The following GAS6 variants were observed in gnomAD, a reference collection of about 807,000 sequenced individuals.
The protein encoded by GAS6 is growth arrest-specific protein 6.
GAS6 carries 41 observed loss-of-function variants against 75.8 expected under a neutral mutation model. That is an observed-to-expected ratio of 0.54 (90% CI 0.42 to 0.70). The LOEUF (loss-of-function observed/expected upper bound fraction) is 0.70. GAS6 is among the 30% of genes least tolerant of loss of function. GAS6 has a pLI of 0.00. For synonymous variants in GAS6, 432 were observed against 412.6 expected (o/e 1.05, Z -0.57); for missense variants, 854 against 940.2 (o/e 0.91, Z 1.20).
chr13:113,831,388 C>CGCCTG (rs1301170179), intron 10 of GAS6, among the ~76,000 whole-genome samples: 3 of 152,166 alleles, frequency 2.0e-5, no homozygotes, highest in Non-Finnish European at 2.9e-5. Flanking sequence ...GGGCGGGCGG[C>CGCCTG]GCCTGGCCTG....
intron 2 of GAS6, among the ~76,000 whole-genome samples, chr13:113,859,100 ATGTC>A (rs1225062466): frequency 2.1e-5 from 3 of 144,440 alleles, no homozygotes; most frequent in African/African-American, 8.0e-5. Flanking sequence ...ATGTGTGTGC[ATGTC>A]TGTCAGTGTG....
Position 113,820,713 on chromosome 13 carries a change from G to C in GAS6, c.*151C>G. The stretch of plus-strand genomic sequence containing the variant: ...GAGTGCGCGGCGTCAGAGGCCCCAA[G>C]TCCATCTCACTATTTACAGATATGT... On this transcript the variant is annotated 3_prime_UTR_variant, in exon 15 of 15. Transcript: ENST00000327773. 4 of 948,246 alleles carry C rather than the reference G, an allele frequency of 4.2e-6. No individual in the cohort carries two copies. Among genetic ancestry groups the C allele is most frequent in the Non-Finnish European group, 6.1e-6 (4 of 656,094 alleles). The allele number at this position is 948,246 out of a possible 1,614,324, so 58.7% of individuals were successfully genotyped here.
Position 113,863,634 on chromosome 13 carries a change from C to A in GAS6, c.196G>T (p.Val66Leu). 3 of 1,527,196 alleles carry A rather than the reference C, an allele frequency of 2.0e-6. No individual in the cohort carries two copies. The highest frequency in any genetic ancestry group is 1.8e-6 in the Non-Finnish European group (2 of 1,136,934). The allele number at this position is 1,527,196 out of a possible 1,614,324, so 94.6% of individuals were successfully genotyped here. The change falls in exon 2 of 15, where the codon GTG becomes TTG. Residue 66 changes from valine to leucine, a missense_variant. Physicochemically the swap from Val to Leu is conservative, Grantham distance 32. Coordinates refer to ENST00000327773, the MANE Select transcript of GAS6 (RefSeq NM_000820.4). This position sits in a 1 kb window ranked among gnomAD's most constrained non-coding sequence, Gnocchi z 9.4. ...AKQGHLEREC[V>L]EELCSREEAR... Reference sequence around the variant, plus strand: ...TCCTCGCGGCTGCACAGCTCCTCCACGCACTCCCTCTCCAGGTGGCCCTGC... The same window carrying A: ...TCCTCGCGGCTGCACAGCTCCTCCAAGCACTCCCTCTCCAGGTGGCCCTGC...
At position 113,847,067 on chromosome 13, in the gene GAS6, G is replaced by A. The variant is rs1470724584; in HGVS notation, c.281-478C>T. ...CGCTAGGGCGGCGGGGGGAGGCGAG[G>A]CCTGGCACATGCACATCCAGGGATA... On this transcript the variant is annotated intron_variant, in intron 3 of 14. Coordinates refer to ENST00000327773, the MANE Select transcript of GAS6 (RefSeq NM_000820.4). 4 of 495,368 alleles carry A rather than the reference G, an allele frequency of 8.1e-6. No individual in the cohort carries two copies. The Admixed American group carries it at 8.3e-5, about 10-fold the overall frequency. The allele number at this position is 495,368 out of a possible 1,614,324, so 30.7% of individuals were successfully genotyped here.
intron 12 of GAS6, among the ~76,000 whole-genome samples, chr13:113,825,234 C>CAA (rs71105207): frequency 0.17 from 9,735 of 57,762 alleles, 812 homozygotes; most frequent in African/African-American, 0.18. Flanking sequence ...AACTCCGTCT[C>CAA]AAAAAAAAAA....
chr13:113,829,103 G>A (rs111272638), intron 10 of GAS6, among the ~76,000 whole-genome samples: 1,011 of 42,526 alleles, frequency 0.024, 13 homozygotes, highest in African/African-American at 0.067. Context: ...TCTCAGGGAG[G>A]CCACCTGATC....
At position 113,845,759 on chromosome 13, in the gene GAS6, A is replaced by C. The variant is rs906317535; in HGVS notation, c.343+768T>G. The C allele has an allele frequency of 1.1e-4, 17 of 150,548 alleles. No individual in the cohort carries two copies. The highest frequency in any genetic ancestry group is 3.3e-4 in the Admixed American group (5 of 15,214). 9.3% of individuals were successfully genotyped at this position (150,548 alleles called of 1,614,324 possible). The stretch of plus-strand genomic sequence containing the variant: ...ACTCATTAGTTAAAAAAAAAAAAAA[A>C]AACCTGAAATGACTGATGTCATTTC... On this transcript the variant is annotated intron_variant, in intron 4 of 14. Transcript: ENST00000327773. The surrounding 1 kb of genome is among the most constrained non-coding windows in gnomAD (Gnocchi z 4.3).
chr13:113,826,343 C>T lies in GAS6; in HGVS notation c.1477+653G>A, dbSNP rs373551058. ...ACGAGTCCTAAGGCTGTGCTGTCTC[C>T]GGACTTTCTGCAAAGGACCCTGTAA... On this transcript the variant is annotated intron_variant, in intron 12 of 14. Coordinates refer to ENST00000327773, the MANE Select transcript of GAS6 (RefSeq NM_000820.4). Among the ~76,000 whole-genome samples, 73 of 152,308 alleles carry T rather than the reference C, an allele frequency of 4.8e-4. No homozygotes were observed. The East Asian group carries it at 5.8e-3, about 12-fold the overall frequency.
intron 11 of GAS6, 145 bp from the exon 12 acceptor site, chr13:113,827,309 C>A: frequency 1.4e-6 from 1 of 737,824 alleles, no homozygotes. Context: ...GTGGCCATTT[C>A]ACAGAAGGTT....
intron 2 of GAS6, among the ~76,000 whole-genome samples, chr13:113,850,483 G>A (rs539617676): frequency 7.2e-5 from 11 of 152,258 alleles, no homozygotes; most frequent in African/African-American, 2.2e-4. Context: ...TGGAAATGGC[G>A]CCATTTGGCC....
intron 10 of GAS6, among the ~76,000 whole-genome samples, chr13:113,830,115 A>ATG (rs2051611575): frequency 1.3e-5 from 2 of 152,260 alleles, no homozygotes; most frequent in African/African-American, 4.8e-5. Flanking sequence ...CTAATGCTAG[A>ATG]TACACTATAT....
At chr13:113,825,412 A>G (rs930602970) in intron 12 of GAS6, among the ~76,000 whole-genome samples, 2 of 152,112 alleles carry the variant, frequency 1.3e-5, no homozygotes, top group Admixed American at 6.5e-5. Context: ...AGCCCAGCAG[A>G]GTCGCTGCAG....
intron 4 of GAS6, 133 bp from the exon 5 acceptor site, chr13:113,839,983 G>A (rs774534146): frequency 4.5e-6 from 6 of 1,340,696 alleles, no homozygotes; most frequent in Non-Finnish European, 5.2e-6. Context: ...GGCTGAGGCA[G>A]CCCCTGGGCA....
rs983894593 is a variant in GAS6 at position 113,848,991 on chromosome 13, C to T, written c.256-941G>A. The stretch of plus-strand genomic sequence containing the variant: ...TAGGTACCCAGCGCCGTCTGCAACG[C>T]GCCTCTGGCTTCATGCGCTGGCTCT... On this transcript the variant is annotated intron_variant, in intron 2 of 14. Coordinates refer to ENST00000327773, the MANE Select transcript of GAS6 (RefSeq NM_000820.4). This position sits in a 1 kb window ranked among gnomAD's most constrained non-coding sequence, Gnocchi z 4.8. 1.1e-4 allele frequency among the ~76,000 whole-genome samples: 17 copies of T among 152,232 alleles called. No homozygotes were observed. Among genetic ancestry groups the T allele is most frequent in the Admixed American group, 3.3e-4 (5 of 15,290 alleles).
At position 113,844,022 on chromosome 13, in the gene GAS6, T is replaced by C. The variant is rs921158655; in HGVS notation, c.343+2505A>G. ...AAAGCACCTTCTTCACCGCCAGGCA[T>C]CTTTTGAGGCACGCGAACATCAGAG... On this transcript the variant is annotated intron_variant, in intron 4 of 14. Coordinates refer to ENST00000327773, the MANE Select transcript of GAS6 (RefSeq NM_000820.4). The surrounding 1 kb of genome is among the most constrained non-coding windows in gnomAD (Gnocchi z 5.7). 1.3e-5 allele frequency: 2 copies of C among 150,718 alleles called. No homozygotes were observed. The highest frequency in any genetic ancestry group is 5.0e-5 in the African/African-American group (2 of 40,072). The allele number at this position is 150,718 out of a possible 1,614,324, so 9.3% of individuals were successfully genotyped here.
chr13:113,820,572 T>C lies in GAS6; in HGVS notation c.*292A>G. 2.4e-6 allele frequency: 1 copy of C among 409,576 alleles called. No individual in the cohort carries two copies. The highest frequency in any genetic ancestry group is 4.4e-6 in the Non-Finnish European group (1 of 228,530). The allele number at this position is 409,576 out of a possible 1,614,324, so 25.4% of individuals were successfully genotyped here. ...TGTTACAAAGCTTTCTGTAAATATT[T>C]TATTTTCCATATTTTAGAGTCAGAA... On this transcript the variant is annotated 3_prime_UTR_variant, in exon 15 of 15. Coordinates refer to ENST00000327773, the MANE Select transcript of GAS6 (RefSeq NM_000820.4).
Position 113,832,763 on chromosome 13 carries a change from C to T in GAS6, c.835-11G>A, listed in dbSNP as rs141710031. 1.1e-3 allele frequency: 1,724 copies of T among 1,612,494 alleles called. 18 individuals are homozygous for T. In the African/African-American group the frequency reaches 0.02, roughly 19 times the overall value. On this transcript the variant is annotated splice_polypyrimidine_tract_variant and intron_variant, in intron 8 of 14. Coordinates refer to ENST00000327773, the MANE Select transcript of GAS6 (RefSeq NM_000820.4). ...GCACGGCAAGATGTCCTGCCACGGA[C>T]GGGGGCCACGCCGGTCGGGGATGTG... is the stretch of plus-strand genomic sequence containing the variant.
intron 5 of GAS6, among the ~76,000 whole-genome samples, chr13:113,838,816 G>A (rs143056941): frequency 2.4e-4 from 37 of 151,514 alleles, no homozygotes; most frequent in Non-Finnish European, 4.3e-4. Flanking sequence ...GGAGCAGGGA[G>A]AGAGCCTGGG....
At position 113,822,060 on chromosome 13, in the gene GAS6, T is replaced by C; in HGVS notation, c.1780A>G (p.Arg594Gly). The C allele has an allele frequency of 6.3e-7, 1 of 1,588,208 alleles. No homozygotes were observed. The highest frequency in any genetic ancestry group is 8.6e-7 in the Non-Finnish European group (1 of 1,169,290). The change falls in exon 14 of 15, where the codon AGG becomes GGG. Residue 594 changes from arginine to glycine, a missense_variant. By Grantham distance (125) the Arg-to-Gly change is moderately radical. Transcript: ENST00000327773. ...GEATLEVDGT[R>G]GQSEVSAAQL... ...GCGGCGCTCACCTCGCTCTGGCCCC[T>C]GGTGCCGTCCACCTCCAGGGTGGCC...
Sources: gnomAD v4.1 joint callset for allele counts (sites outside exome capture counted in the v4.1 genomes callset) on GRCh38, gnomAD v4.1.1 for gene constraint, Gnocchi (gnomAD v3.1) non-coding constraint, MANE v1.5 for transcripts, NCBI Gene and HGNC (gene_info 2026-07-23, HGNC 2026-07-21) for gene names.